The following TOMM20 variants were observed in gnomAD, a reference collection of about 807,000 sequenced individuals.
The protein encoded by TOMM20 is mitochondrial import receptor subunit TOM20 homolog.
Under a neutral mutation model 22.1 loss-of-function variants are expected in TOMM20, and 10 were observed. The observed-to-expected ratio is 0.45, with a 90% CI of 0.28 to 0.77. TOMM20 has a LOEUF of 0.77. TOMM20 is among the 30% of genes least tolerant of loss of function. TOMM20 has a pLI of 0.13. For synonymous variants in TOMM20, 55 were observed against 61.4 expected, an observed-to-expected ratio of 0.90 and a Z score of 0.49; for missense variants, 121 against 172.2, an observed-to-expected ratio of 0.70 and a Z score of 1.66.
At chr1:235,122,547 A>G (rs1660946014) in intron 1 of TOMM20, 175 bp from the exon 2 acceptor site, 2 of 505,264 alleles carry the variant, frequency 4.0e-6, no homozygotes, top group South Asian at 4.7e-5. Flanking sequence ...AATGAGCTGT[A>G]GGAAATGTGA....
intron 1 of TOMM20, among the ~76,000 whole-genome samples, chr1:235,127,014 T>C (rs1191626459): frequency 6.6e-6 from 1 of 152,208 alleles, no homozygotes; most frequent in African/African-American, 2.4e-5. Flanking sequence ...GATGGAGAAG[T>C]TATTTTGAAA....
rs540121701 is a variant in TOMM20 at position 235,109,632 on chromosome 1, C to T, written c.*2432G>A. The T allele has an allele frequency of 2.6e-5, 4 of 152,332 alleles. No homozygotes were observed. Among genetic ancestry groups the T allele is most frequent in the South Asian group, 2.1e-4 (1 of 4,828 alleles). 9.4% of individuals were successfully genotyped at this position (152,332 alleles called of 1,614,324 possible). On this transcript the variant is annotated 3_prime_UTR_variant, in exon 5 of 5. Coordinates refer to ENST00000366607, the MANE Select transcript of TOMM20 (RefSeq NM_014765.3). ...CTAGGTTTTACACACTTTACATAAA[C>T]GTGAACCTAAGTTCTAGTTATCAGT...
chr1:235,124,242 G>C (rs1271087395), intron 1 of TOMM20, among the ~76,000 whole-genome samples: 1 of 152,252 alleles, frequency 6.6e-6, no homozygotes, highest in African/African-American at 2.4e-5. Flanking sequence ...AGCTACTCGA[G>C]AGGCTGTAGC....
chr1:235,111,996 A>G lies in TOMM20; in HGVS notation c.*68T>C. ...AGCATATTTGCCCTTATTCCCCCAG[A>G]GCTGCTCAACTACCAAGAATTTTTA... On this transcript the variant is annotated 3_prime_UTR_variant, in exon 5 of 5. Coordinates refer to ENST00000366607, the MANE Select transcript of TOMM20 (RefSeq NM_014765.3). 7.3e-7 allele frequency: 1 copy of G among 1,371,380 alleles called. No individual in the cohort carries two copies. Among genetic ancestry groups the G allele is most frequent in the Non-Finnish European group, 1.0e-6 (1 of 970,432 alleles). 85.0% of individuals were successfully genotyped at this position (1,371,380 alleles called of 1,614,324 possible).
intron 3 of TOMM20, among the ~76,000 whole-genome samples, chr1:235,119,115 C>T (rs765840348): frequency 2.1e-4 from 32 of 152,256 alleles, no homozygotes; most frequent in Admixed American, 7.9e-4. Context: ...GTTTTAATAA[C>T]GATAGCAACT....
intron 3 of TOMM20, among the ~76,000 whole-genome samples, chr1:235,115,224 A>T (rs527316732): frequency 6.6e-6 from 1 of 152,188 alleles, no homozygotes; most frequent in Non-Finnish European, 1.5e-5. Context: ...AAAATATTTG[A>T]GCAAAACTAT....
At chr1:235,126,737 T>C (rs1439626050) in intron 1 of TOMM20, among the ~76,000 whole-genome samples, 1 of 151,708 alleles carries the variant, frequency 6.6e-6, no homozygotes, top group Non-Finnish European at 1.5e-5. Flanking sequence ...GAGGCGGAGG[T>C]TGCAATGATC....
At chr1:235,121,655 A>G (rs1290422771) in intron 2 of TOMM20, among the ~76,000 whole-genome samples, 1 of 152,242 alleles carries the variant, frequency 6.6e-6, no homozygotes, top group African/African-American at 2.4e-5. Context: ...CAGTAATCCA[A>G]GTCCTAAGAA....
chr1:235,127,067 CAA>C (rs962113670), intron 1 of TOMM20, among the ~76,000 whole-genome samples: 3 of 152,206 alleles, frequency 2.0e-5, no homozygotes, highest in African/African-American at 7.2e-5. Context: ...CTTGTTTCTG[CAA>C]CAGGACTTCA....
intron 3 of TOMM20, among the ~76,000 whole-genome samples, chr1:235,116,569 C>A (rs1267493198): frequency 1.3e-5 from 2 of 151,270 alleles, no homozygotes; most frequent in African/African-American, 4.9e-5. Flanking sequence ...CCTGGTGGCA[C>A]ACGCCTGTAA....
intron 1 of TOMM20, among the ~76,000 whole-genome samples, chr1:235,126,278 G>A (rs1286252636): frequency 1.3e-5 from 2 of 151,386 alleles, no homozygotes; most frequent in African/African-American, 2.4e-5. Context: ...GACTACCGGC[G>A]TGCACCACCA....
At chr1:235,116,583 C>T (rs1660831705) in intron 3 of TOMM20, among the ~76,000 whole-genome samples, 1 of 151,426 alleles carries the variant, frequency 6.6e-6, no homozygotes, top group African/African-American at 2.4e-5. Flanking sequence ...CCTGTAATCC[C>T]AGCTACTTGG....
chr1:235,118,179 T>C (rs1660866628), intron 3 of TOMM20, among the ~76,000 whole-genome samples: 1 of 152,260 alleles, frequency 6.6e-6, no homozygotes, highest in Admixed American at 6.5e-5. Flanking sequence ...GCAGTGATCT[T>C]GTCATTTTGA....
chr1:235,125,453 G>A (rs1192907580), intron 1 of TOMM20, among the ~76,000 whole-genome samples: 2 of 151,910 alleles, frequency 1.3e-5, no homozygotes, highest in Admixed American at 6.6e-5. Flanking sequence ...CTGACCTTGT[G>A]ATCCGCCCGC....
chr1:235,112,212 A>G (rs1368163788), intron 4 of TOMM20, 104 bp from the exon 5 acceptor site: 1 of 910,274 alleles, frequency 1.1e-6, no homozygotes, highest in South Asian at 1.6e-5. Context: ...GAATCTTAGT[A>G]AAGTTCACCC....
At chr1:235,127,933 T>C (rs1375754461) in intron 1 of TOMM20, 2 of 518,514 alleles carry the variant, frequency 3.9e-6, no homozygotes, top group South Asian at 2.8e-5. Flanking sequence ...GGTTTAAGAA[T>C]GCAGCAATGA....
At chr1:235,127,457 C>T (rs1468060484) in intron 1 of TOMM20, among the ~76,000 whole-genome samples, 1 of 152,144 alleles carries the variant, frequency 6.6e-6, no homozygotes, top group African/African-American at 2.4e-5. Flanking sequence ...CATAAGAAAG[C>T]TGGAACTAGA....
chr1:235,127,418 A>G (rs895818512), intron 1 of TOMM20, among the ~76,000 whole-genome samples: 1 of 152,220 alleles, frequency 6.6e-6, no homozygotes, highest in African/African-American at 2.4e-5. Flanking sequence ...CATAAATCAA[A>G]TTATGTCTAT....
At chr1:235,122,244 C>A in intron 2 of TOMM20, 82 bp downstream of exon 2, 1 of 1,264,906 alleles carries the variant, frequency 7.9e-7, no homozygotes, top group South Asian at 2.0e-5. Context: ...TTTCCAATTA[C>A]ATTTTAATTA....
Sources: gnomAD v4.1 joint callset for allele counts (sites outside exome capture counted in the v4.1 genomes callset) on GRCh38, gnomAD v4.1.1 for gene constraint, MANE v1.5 for transcripts, NCBI Gene and HGNC (gene_info 2026-07-23, HGNC 2026-07-21) for gene names.